The following PPP5C variants were observed in gnomAD, a reference collection of about 807,000 sequenced individuals.
PPP5C encodes the protein serine/threonine-protein phosphatase 5.
PPP5C carries 21 observed loss-of-function variants against 66.7 expected under a neutral mutation model. The ratio of observed to expected loss-of-function variants is 0.31; its 90% CI spans 0.22 to 0.45. The LOEUF (loss-of-function observed/expected upper bound fraction) is 0.45, where lower values mean the gene tolerates loss of function less well. PPP5C is among the 20% of genes least tolerant of loss of function. The pLI is 1.00. For synonymous variants in PPP5C, 246 were observed against 257.4 expected (o/e 0.96, Z 0.43); for missense variants, 464 against 675.9 (o/e 0.69, Z 3.48).
At position 46,390,868 on chromosome 19, in the gene PPP5C, G is replaced by C; in HGVS notation, c.*522G>C. ...TCGGAAGTCAGCTTGTCTCTGGATGGTGGAGCCGAAGGAGCTGCCCGGGTT... is the reference window on the plus strand; with the variant it reads ...TCGGAAGTCAGCTTGTCTCTGGATGCTGGAGCCGAAGGAGCTGCCCGGGTT... On this transcript the variant is annotated 3_prime_UTR_variant, in exon 13 of 13. Coordinates refer to ENST00000012443, the MANE Select transcript of PPP5C (RefSeq NM_006247.4). 8.8e-7 allele frequency: 1 copy of C among 1,140,926 alleles called. No individual in the cohort carries two copies. The highest frequency in any genetic ancestry group is 1.9e-5 in the South Asian group (1 of 53,080). The allele number at this position is 1,140,926 out of a possible 1,614,324, so 70.7% of individuals were successfully genotyped here.
At chr19:46,351,489 A>G (rs1012881653) in intron 1 of PPP5C, among the ~76,000 whole-genome samples, 2 of 152,180 alleles carry the variant, frequency 1.3e-5, no homozygotes, top group African/African-American at 4.8e-5. Flanking sequence ...ACGGCCACCC[A>G]GTGAGGCAGA....
intron 2 of PPP5C, among the ~76,000 whole-genome samples, chr19:46,371,600 C>T (rs568194531): frequency 1.3e-5 from 2 of 152,260 alleles, no homozygotes; most frequent in African/African-American, 2.4e-5. Flanking sequence ...GCAGCGGGTC[C>T]GAGTTTCTCG....
Position 46,374,619 on chromosome 19 carries a change from G to T in PPP5C, c.364-985G>T, listed in dbSNP as rs116025280. On this transcript the variant is annotated intron_variant, in intron 2 of 12. Coordinates refer to ENST00000012443, the MANE Select transcript of PPP5C (RefSeq NM_006247.4). ...GCGGGGATAGGGCTCCTTTCACTGG[G>T]AACTTGCTATGTCCCAAAGCTGAAC... Among the ~76,000 whole-genome samples, 345 of 152,266 alleles carry T rather than the reference G, an allele frequency of 2.3e-3. 1 individual carries two copies. Among genetic ancestry groups the T allele is most frequent in the Middle Eastern group, 0.01 (3 of 294 alleles).
In PPP5C at chr19:46,387,123, TC is replaced by T; in HGVS notation, c.936del (p.Tyr313ThrfsTer7). 6.2e-7 allele frequency: 1 copy of T among 1,614,218 alleles called. No individual in the cohort carries two copies. The highest frequency in any genetic ancestry group is 8.5e-7 in the Non-Finnish European group (1 of 1,180,036). ...GNHETDNMNQ[I>X]YGFEGEVKAK... ...CACGAGACAGACAACATGAACCAGATCTACGGTTTCGAGGGTGAGGTGAAGG... is the reference window on the plus strand; with the variant it reads ...CACGAGACAGACAACATGAACCAGATTACGGTTTCGAGGGTGAGGTGAAGG... On this transcript the variant is annotated frameshift_variant, in exon 8 of 13. Coordinates refer to ENST00000012443, the MANE Select transcript of PPP5C (RefSeq NM_006247.4). LOFTEE classifies it high-confidence loss of function.
chr19:46,356,287 G>C (rs1448161034), intron 2 of PPP5C, among the ~76,000 whole-genome samples: 2 of 152,228 alleles, frequency 1.3e-5, no homozygotes, highest in African/African-American at 4.8e-5. Flanking sequence ...CTGTCATCAG[G>C]CCATCCATAT....
At chr19:46,387,857 G>T in intron 9 of PPP5C, 1 of 720,738 alleles carries the variant, frequency 1.4e-6, no homozygotes, top group Non-Finnish European at 1.9e-6. Context: ...GCTGGTGCTG[G>T]GTGCTCAGGA....
chr19:46,375,536 G>A, intron 2 of PPP5C, 68 bp from the exon 3 acceptor site: 1 of 1,580,198 alleles, frequency 6.3e-7, no homozygotes, highest in Non-Finnish European at 8.6e-7. Flanking sequence ...CCAGGGCTGG[G>A]CAGCCTGGGG....
rs746068854 is a variant in PPP5C at position 46,387,211 on chromosome 19, C to T, written c.1023C>T (p.Ala341=). ...FSEVFEWLPL[A]QCINGKVLIM... The stretch of plus-strand genomic sequence containing the variant: ...AGGTGTTCGAGTGGCTCCCGTTGGC[C>T]CAGTGCATCAACGGCAAAGTGCTGG... Residue 341 remains alanine (A), a synonymous_variant, in exon 8 of 13, where the codon GCC becomes GCT. Coordinates refer to ENST00000012443, the MANE Select transcript of PPP5C (RefSeq NM_006247.4). 3 of 1,614,224 alleles carry T rather than the reference C, an allele frequency of 1.9e-6. No homozygotes were observed. The highest frequency in any genetic ancestry group is 2.5e-6 in the Non-Finnish European group (3 of 1,180,044).
chr19:46,372,363 G>A (rs1719145522), intron 2 of PPP5C, among the ~76,000 whole-genome samples: 2 of 98,166 alleles, frequency 2.0e-5, no homozygotes, highest in African/African-American at 8.5e-5. Flanking sequence ...ACCATACCTG[G>A]CTAGCTTTTT....
At chr19:46,380,092 G>A (rs1972764547) in intron 4 of PPP5C, among the ~76,000 whole-genome samples, 1 of 152,144 alleles carries the variant, frequency 6.6e-6, no homozygotes, top group African/African-American at 2.4e-5. Flanking sequence ...ATCACTTGGG[G>A]TCAGGAGTTC....
At position 46,390,452 on chromosome 19, in the gene PPP5C, C is replaced by G; in HGVS notation, c.*106C>G. 6.5e-7 allele frequency: 1 copy of G among 1,529,052 alleles called. No individual in the cohort carries two copies. The allele number at this position is 1,529,052 out of a possible 1,614,324, so 94.7% of individuals were successfully genotyped here. A position where few individuals can be genotyped will look rare whatever the true frequency, so the allele number is the denominator to read the frequency against. ...CCCGCCCCAGGGCAATGTTGGACCC[C>G]CTTTTACTTTGTAAAGTTTGTATTT... is the stretch of plus-strand genomic sequence containing the variant. On this transcript the variant is annotated 3_prime_UTR_variant, in exon 13 of 13. Coordinates refer to ENST00000012443, the MANE Select transcript of PPP5C (RefSeq NM_006247.4).
intron 1 of PPP5C, among the ~76,000 whole-genome samples, chr19:46,351,805 A>T (rs146445610): frequency 6.6e-6 from 1 of 152,208 alleles, no homozygotes; most frequent in Non-Finnish European, 1.5e-5. Flanking sequence ...TCATTACTCA[A>T]CAGTGACGAT....
intron 2 of PPP5C, among the ~76,000 whole-genome samples, chr19:46,372,212 GT>G (rs548209959): frequency 6.6e-6 from 1 of 150,818 alleles, no homozygotes; most frequent in Non-Finnish European, 1.5e-5. Context: ...TTTTGTTTTG[GT>G]TTTTTTTTGA....
intron 2 of PPP5C, among the ~76,000 whole-genome samples, chr19:46,357,316 G>A (rs927475549): frequency 4.6e-5 from 7 of 152,158 alleles, no homozygotes; most frequent in Admixed American, 6.5e-5. Flanking sequence ...CCAAAGGGCT[G>A]GGCTTACAAG....
chr19:46,367,991 G>A (rs1972519722), intron 2 of PPP5C, among the ~76,000 whole-genome samples: 1 of 152,150 alleles, frequency 6.6e-6, no homozygotes, highest in South Asian at 2.1e-4. Context: ...CTCAGCAGCT[G>A]GCGGAAAATC....
intron 1 of PPP5C, among the ~76,000 whole-genome samples, chr19:46,348,301 T>A (rs1293957881): frequency 7.2e-6 from 1 of 139,282 alleles, no homozygotes; most frequent in Non-Finnish European, 1.5e-5. Flanking sequence ...CAAAGACCAG[T>A]TTGGAATTTT....
intron 2 of PPP5C, among the ~76,000 whole-genome samples, chr19:46,356,515 TG>T (rs1202821326): frequency 1.1e-4 from 16 of 152,222 alleles, no homozygotes; most frequent in Non-Finnish European, 2.1e-4. Context: ...CTGCTCACTC[TG>T]GGCCCAGCAC....
chr19:46,367,191 T>G (rs1209533959), intron 2 of PPP5C, among the ~76,000 whole-genome samples: 1 of 152,222 alleles, frequency 6.6e-6, no homozygotes, highest in Admixed American at 6.5e-5. Flanking sequence ...GACAGAAGGT[T>G]TAAAAACATA....
chr19:46,372,864 G>C (rs1294300791), intron 2 of PPP5C, among the ~76,000 whole-genome samples: 1 of 152,186 alleles, frequency 6.6e-6, no homozygotes, highest in African/African-American at 2.4e-5. Flanking sequence ...GCCTTCAGGA[G>C]CTGAGTCCCT....
Sources: gnomAD v4.1 joint callset for allele counts (sites outside exome capture counted in the v4.1 genomes callset) on GRCh38, gnomAD v4.1.1 for gene constraint, MANE v1.5 for transcripts, NCBI Gene and HGNC (gene_info 2026-07-23, HGNC 2026-07-21) for gene names.